Variants in XIRP2 observed in about 807,000 individuals in gnomAD.
XIRP2 encodes xin actin binding repeat containing 2.
In XIRP2, 236 loss-of-function variants were observed where a neutral mutation model predicts 277.0. That is an observed-to-expected ratio of 0.85 (90% CI 0.77 to 0.95). XIRP2 has a LOEUF of 0.95. XIRP2 is among the 40% of genes least tolerant of loss of function. XIRP2 has a pLI of 0.00. For synonymous variants in XIRP2, 1,490 were observed against 1,416.5 expected, an observed-to-expected ratio of 1.05 and a Z score of -1.17; for missense variants, 4,640 against 4,157.5, an observed-to-expected ratio of 1.12 and a Z score of -3.19.
At chr2:167,053,775 T>A (rs1421104302) in intron 2 of XIRP2, among the ~76,000 whole-genome samples, 1 of 152,180 alleles carries the variant, frequency 6.6e-6, no homozygotes, top group African/African-American at 2.4e-5. Context: ...TATTGCCCTT[T>A]GACATCTTAC....
intron 3 of XIRP2, among the ~76,000 whole-genome samples, chr2:167,145,283 A>T (rs759391660): frequency 5.9e-5 from 9 of 152,312 alleles, no homozygotes; most frequent in East Asian, 3.9e-4. Context: ...CTAATTAAGC[A>T]CAAATTAAAA....
intron 5 of XIRP2, among the ~76,000 whole-genome samples, chr2:167,229,656 G>T (rs999441402): frequency 6.6e-6 from 1 of 151,988 alleles, no homozygotes; most frequent in Non-Finnish European, 1.5e-5. Context: ...AAAATGATTG[G>T]ATTGAGTCAA....
intron 3 of XIRP2, among the ~76,000 whole-genome samples, chr2:167,152,363 C>A (rs559564378): frequency 1.4e-4 from 22 of 151,952 alleles, no homozygotes; most frequent in African/African-American, 5.3e-4. Context: ...CTACACTCAA[C>A]TCATGTCTTT....
At chr2:167,018,006 T>A (rs1418284107) in intron 2 of XIRP2, among the ~76,000 whole-genome samples, 3 of 152,050 alleles carry the variant, frequency 2.0e-5, no homozygotes, top group Non-Finnish European at 1.5e-5. Flanking sequence ...ACTCTTCCAC[T>A]GCAGGAGACA....
intron 2 of XIRP2, among the ~76,000 whole-genome samples, chr2:167,098,945 TG>T (rs1690408901): frequency 6.6e-6 from 1 of 152,186 alleles, no homozygotes; most frequent in African/African-American, 2.4e-5. Context: ...ACCCACCAAA[TG>T]CCAGCCAGAG....
rs779571231 is a variant in XIRP2 at position 166,916,574 on chromosome 2, G to A, written c.408+12684G>A. Among the ~76,000 whole-genome samples, 7 of 152,008 alleles carry A rather than the reference G, an allele frequency of 4.6e-5. 1 individual carries two copies. In the South Asian group the frequency reaches 1.5e-3, roughly 32 times the overall value. On this transcript the variant is annotated intron_variant, in intron 2 of 10. Transcript: ENST00000409195. Reference sequence around the variant, plus strand: ...AGTATAGAGAAAAATAAAAAATAAGGATTATTCTCATAGGAAGAGTTTTAG... The same window carrying A: ...AGTATAGAGAAAAATAAAAAATAAGAATTATTCTCATAGGAAGAGTTTTAG...
intron 2 of XIRP2, among the ~76,000 whole-genome samples, chr2:167,094,194 T>A (rs1238182948): frequency 6.6e-6 from 1 of 152,218 alleles, no homozygotes; most frequent in Non-Finnish European, 1.5e-5. Flanking sequence ...TATGTTTAAG[T>A]TCCTTGTAGA....
intron 2 of XIRP2, among the ~76,000 whole-genome samples, chr2:166,982,220 A>C (rs752590655): frequency 6.6e-6 from 1 of 151,452 alleles, no homozygotes; most frequent in Non-Finnish European, 1.5e-5. Context: ...CATAACTTCA[A>C]TTGTTCTTCC....
intron 2 of XIRP2, among the ~76,000 whole-genome samples, chr2:166,948,467 A>G (rs1685940273): frequency 6.6e-6 from 1 of 152,116 alleles, no homozygotes; most frequent in Non-Finnish European, 1.5e-5. Context: ...GAGAAGAAAC[A>G]AAGACCCTTG....
chr2:166,987,477 G>C (rs1336454877), intron 2 of XIRP2, among the ~76,000 whole-genome samples: 1 of 151,788 alleles, frequency 6.6e-6, no homozygotes, highest in African/African-American at 2.4e-5. Context: ...AGACATTTGG[G>C]GTAAATATAA....
chr2:167,082,243 A>G (rs1035166075), intron 2 of XIRP2, among the ~76,000 whole-genome samples: 1 of 152,012 alleles, frequency 6.6e-6, no homozygotes. Context: ...ATGCTTTCCA[A>G]TTTCATCCAT....
intron 1 of XIRP2, among the ~76,000 whole-genome samples, chr2:166,900,440 C>A (rs1303127186): frequency 6.6e-6 from 1 of 151,830 alleles, no homozygotes; most frequent in Non-Finnish European, 1.5e-5. Flanking sequence ...CTTAAAAATT[C>A]TTGTGAGATA....
chr2:167,242,836 C>CGG lies in XIRP2; in HGVS notation c.1444_1445insGG (p.Leu482ArgfsTer18), dbSNP rs1471278800. 1 of 1,614,150 alleles carries CGG rather than the reference C, an allele frequency of 6.2e-7. No individual in the cohort carries two copies. The highest frequency in any genetic ancestry group is 1.1e-5 in the South Asian group (1 of 91,086). On this transcript the variant is annotated frameshift_variant, in exon 9 of 11. Coordinates refer to ENST00000409195, the MANE Select transcript of XIRP2 (RefSeq NM_152381.6). LOFTEE classifies it high-confidence loss of function. ...TGAACTGCCCAGTCCTCCTAGAAGA[C>CGG]TACCAGTCCCCAAAGATGTATATTC...
intron 2 of XIRP2, among the ~76,000 whole-genome samples, chr2:167,031,427 G>A (rs1688344275): frequency 6.6e-6 from 1 of 152,026 alleles, no homozygotes. Flanking sequence ...TGTCTTTAAA[G>A]GATTTTATTT....
intron 2 of XIRP2, among the ~76,000 whole-genome samples, chr2:167,056,637 A>G (rs551815914): frequency 1.3e-5 from 2 of 152,288 alleles, no homozygotes; most frequent in African/African-American, 4.8e-5. Context: ...GTTGTTTAAC[A>G]TTGCTGAGTG....
chr2:167,031,721 A>G (rs935387398), intron 2 of XIRP2, among the ~76,000 whole-genome samples: 3 of 152,124 alleles, frequency 2.0e-5, no homozygotes, highest in African/African-American at 7.2e-5. Context: ...AAAGATAATA[A>G]AATACCTAGG....
chr2:167,127,799 T>A (rs1691250928), intron 2 of XIRP2, among the ~76,000 whole-genome samples: 1 of 152,204 alleles, frequency 6.6e-6, no homozygotes, highest in South Asian at 2.1e-4. Context: ...GAGAACCCTG[T>A]TGTTCTGTAT....
At chr2:167,064,784 T>A (rs1188790128) in intron 2 of XIRP2, among the ~76,000 whole-genome samples, 4 of 151,948 alleles carry the variant, frequency 2.6e-5, no homozygotes, top group Non-Finnish European at 5.9e-5. Context: ...CCTAATTCAC[T>A]TAGTACAATT....
intron 2 of XIRP2, among the ~76,000 whole-genome samples, chr2:166,958,932 C>T (rs1051634958): frequency 1.3e-5 from 2 of 151,880 alleles, no homozygotes; most frequent in South Asian, 2.1e-4. Context: ...CCAACCTCTT[C>T]TTTGTCACAG....
Sources: allele counts gnomAD v4.1 joint callset (sites outside exome capture counted in the v4.1 genomes callset), GRCh38; gene constraint gnomAD v4.1.1; transcripts MANE v1.5; gene names NCBI Gene and HGNC (gene_info 2026-07-23, HGNC 2026-07-21).